The following MGAM2 variants were observed in gnomAD, a reference collection of about 807,000 sequenced individuals.
The protein encoded by MGAM2 is maltase-glucoamylase 2 (putative), also known as probable maltase-glucoamylase 2.
A neutral mutation model predicts 96.1 loss-of-function variants in MGAM2; 98 were observed. The observed-to-expected ratio is 1.02, with a 90% confidence interval of 0.87 to 1.21. The LOEUF (loss-of-function observed/expected upper bound fraction) is 1.21, where lower values mean the gene tolerates loss of function less well. Among genes scored for constraint, MGAM2 ranks in the 50% most tolerant of loss-of-function variants. The pLI is 0.00. For synonymous variants in MGAM2, 749 were observed against 414.8 expected (o/e 1.81, Z -9.79); for missense variants, 2,055 against 1,182.4 (o/e 1.74, Z -10.82).
intron 19 of MGAM2, among the ~76,000 whole-genome samples, chr7:142,158,608 T>C (rs750629337): frequency 1.2e-4 from 18 of 152,142 alleles, no homozygotes; most frequent in Non-Finnish European, 1.9e-4. Flanking sequence ...TTAAATACTT[T>C]GGGGTGTATG....
chr7:142,188,296 G>A (rs1796765921), intron 36 of MGAM2, among the ~76,000 whole-genome samples: 1 of 152,126 alleles, frequency 6.6e-6, no homozygotes, highest in Non-Finnish European at 1.5e-5. Flanking sequence ...AAGGATCTCA[G>A]AAAGTTGAAT....
At chr7:142,153,697 T>C (rs1473690461) in intron 15 of MGAM2, among the ~76,000 whole-genome samples, 1 of 152,130 alleles carries the variant, frequency 6.6e-6, no homozygotes, top group Non-Finnish European at 1.5e-5. Context: ...AAATCATGGT[T>C]CCAATATACT....
chr7:142,131,198 G>C, intron 4 of MGAM2, 127 bp downstream of exon 4: 2 of 625,590 alleles, frequency 3.2e-6, no homozygotes, highest in Non-Finnish European at 5.8e-6. Flanking sequence ...CCAGCACTTC[G>C]AGAGGCTGAC....
At chr7:142,189,616 G>C in intron 37 of MGAM2, 111 bp downstream of exon 37, 1 of 488,280 alleles carries the variant, frequency 2.0e-6, no homozygotes, top group Non-Finnish European at 3.6e-6. Context: ...ATGGGTTAAA[G>C]TCAAAATTTC....
intron 7 of MGAM2, 68 bp from the exon 8 acceptor site, chr7:142,136,473 T>A (rs1795062803): frequency 1.9e-6 from 1 of 536,718 alleles, no homozygotes; most frequent in South Asian, 2.7e-5. Context: ...GCTTTTGAAT[T>A]TATTTTAGGG....
At chr7:142,182,226 G>A (rs1796566045) in intron 32 of MGAM2, among the ~76,000 whole-genome samples, 1 of 152,152 alleles carries the variant, frequency 6.6e-6, no homozygotes, top group South Asian at 2.1e-4. Flanking sequence ...CTGCAGCTTT[G>A]TTTTCTGGCC....
At chr7:142,116,772 C>T in intron 1 of MGAM2, 102 bp from the exon 2 acceptor site, 1 of 671,340 alleles carries the variant, frequency 1.5e-6, no homozygotes, top group Non-Finnish European at 2.7e-6. Context: ...TAATCAAGGT[C>T]ATCTTGCAAA....
intron 45 of MGAM2, among the ~76,000 whole-genome samples, chr7:142,203,911 A>T (rs1797319168): frequency 6.6e-6 from 1 of 152,100 alleles, no homozygotes; most frequent in African/African-American, 2.4e-5. Context: ...AATGCTCTTC[A>T]TGTTCTTCTT....
intron 5 of MGAM2, 65 bp downstream of exon 5, chr7:142,131,692 A>T: frequency 5.8e-6 from 4 of 685,586 alleles, no homozygotes; most frequent in Non-Finnish European, 1.1e-5. Flanking sequence ...TTGGGCTTGA[A>T]GTGTGGAGGC....
intron 45 of MGAM2, among the ~76,000 whole-genome samples, chr7:142,207,986 G>A (rs1434069512): frequency 6.6e-6 from 1 of 152,132 alleles, no homozygotes; most frequent in African/African-American, 2.4e-5. Flanking sequence ...GATTGATGAC[G>A]ACTTTGACGA....
At chr7:142,142,984 C>T (rs573980798) in intron 12 of MGAM2, among the ~76,000 whole-genome samples, 7 of 152,236 alleles carry the variant, frequency 4.6e-5, no homozygotes, top group African/African-American at 1.4e-4. Flanking sequence ...TAGTTGATGC[C>T]CATCGCCTAA....
At chr7:142,174,381 G>A (rs1208040583) in intron 31 of MGAM2, among the ~76,000 whole-genome samples, 1 of 152,044 alleles carries the variant, frequency 6.6e-6, no homozygotes, top group Admixed American at 6.5e-5. Context: ...TCCTTGTAGA[G>A]ATCTTTCACC....
At position 142,170,086 on chromosome 7, in the gene MGAM2, C is replaced by T. The variant is rs1271729142; in HGVS notation, c.3039C>T (p.Pro1013=). 4.3e-6 allele frequency: 3 copies of T among 701,372 alleles called. No homozygotes were observed. Among genetic ancestry groups the T allele is most frequent in the Admixed American group, 2.0e-5 (1 of 49,690 alleles). The allele number at this position is 701,372 out of a possible 1,614,324, so 43.4% of individuals were successfully genotyped here. ...ATMLQVKIYD[P]TNKRYEVPVP... is the part of the protein sequence containing the mutation. ...TCTCTTCTTGCCAGATCTATGACCC[C>T]ACTAATAAAAGGTATGAGGTTCCAG... Residue 1013 remains proline, a synonymous_variant, in exon 27 of 48, where the codon CCC becomes CCT. Coordinates refer to ENST00000477922, the MANE Select transcript of MGAM2 (RefSeq NM_001293626.2).
At chr7:142,140,477 A>G (rs1310492692) in intron 10 of MGAM2, among the ~76,000 whole-genome samples, 4 of 152,216 alleles carry the variant, frequency 2.6e-5, no homozygotes, top group African/African-American at 9.6e-5. Context: ...ATTCATTCAA[A>G]CAACCATTTA....
intron 37 of MGAM2, among the ~76,000 whole-genome samples, chr7:142,194,696 A>ATGTG (rs72262078): frequency 0.019 from 2,622 of 138,416 alleles, 90 homozygotes; most frequent in East Asian, 0.15. Flanking sequence ...ACATGTGTGT[A>ATGTG]TGTGTGTGTG....
chr7:142,187,825 T>G lies in MGAM2; in HGVS notation c.4198T>G (p.Tyr1400Asp), dbSNP rs1324070025. Reference sequence around the variant, plus strand: ...CAATGAAATGCTAAATAACCCACCCTATATGCCATGTATGTAAAATAATTA... The same window carrying G: ...CAATGAAATGCTAAATAACCCACCCGATATGCCATGTATGTAAAATAATTA... Reference protein sequence around the residue: ...CSNEMLNNPPYMPYLESRDKG... With the variant: ...CSNEMLNNPPDMPYLESRDKG... Residue 1400 changes from tyrosine to aspartate, a missense_variant, in exon 36 of 48, where the codon TAT becomes GAT. Coordinates refer to ENST00000477922, the MANE Select transcript of MGAM2 (RefSeq NM_001293626.2). 1.4e-6 allele frequency: 1 copy of G among 702,368 alleles called. No individual in the cohort carries two copies. Among genetic ancestry groups the G allele is most frequent in the Non-Finnish European group, 2.6e-6 (1 of 384,694 alleles). The allele number at this position is 702,368 out of a possible 1,614,324, so 43.5% of individuals were successfully genotyped here.
chr7:142,185,180 A>G, intron 34 of MGAM2, 41 bp downstream of exon 34: 1 of 695,926 alleles, frequency 1.4e-6, no homozygotes, highest in South Asian at 1.5e-5. Context: ...TGCCCTAAAC[A>G]TCTGGATATT....
chr7:142,116,102 C>A (rs1817391344), intron 1 of MGAM2, among the ~76,000 whole-genome samples: 1 of 152,084 alleles, frequency 6.6e-6, no homozygotes, highest in Non-Finnish European at 1.5e-5. Flanking sequence ...GAGAACACAT[C>A]CAGTGTCTGA....
intron 33 of MGAM2, among the ~76,000 whole-genome samples, chr7:142,184,185 C>T (rs1784623482): frequency 6.6e-6 from 1 of 151,814 alleles, no homozygotes; most frequent in African/African-American, 2.4e-5. Flanking sequence ...GTTGGCCAGG[C>T]TGGTCTCGAA....
Sources: gnomAD v4.1 joint callset for allele counts (sites outside exome capture counted in the v4.1 genomes callset) on GRCh38, gnomAD v4.1.1 for gene constraint, MANE v1.5 for transcripts, NCBI Gene and HGNC (gene_info 2026-07-23, HGNC 2026-07-21) for gene names.